Variants in POTEC observed in about 807,000 individuals in gnomAD.
POTEC encodes POTE ankyrin domain family member C, also known as ANKRD26-like family B member 2.
Under a neutral mutation model 62.0 loss-of-function variants are expected in POTEC, and 35 were observed. That is an observed-to-expected ratio of 0.56 (90% CI 0.43 to 0.75). The LOEUF (loss-of-function observed/expected upper bound fraction) is 0.75, where lower values mean the gene tolerates loss of function less well. Among genes scored for constraint, POTEC ranks in the 30% least tolerant of loss-of-function variants. The pLI, the probability that POTEC is intolerant of heterozygous loss-of-function variation, is 0.00. For missense variants in POTEC, 472 were observed against 655.9 expected (o/e 0.72, Z 3.06); for synonymous variants, 156 against 221.5 (o/e 0.70, Z 2.62).
rs745334772 is a variant in POTEC, at chr18:14,542,741, G to T, written c.406C>A (p.Arg136Ser). The change falls in exon 1 of 11, where the codon CGT becomes AGT. Residue 136 changes from arginine to serine, a missense_variant. By Grantham distance (110) the Arg-to-Ser change is moderately radical. Around this residue, in one of 5 missense-constraint regions of POTEC, gnomAD observed 257 missense variants for 250.7 expected, o/e 1.03. Transcript: ENST00000358970. ...TGGAGCTTGTCCAGATCTTCTCGAC[G>T]GACGTGGTACCTCGGCTCCATGAAG... ...SAFMEPRYHVRREDLDKLHRA... is the reference protein window; with the variant it reads ...SAFMEPRYHVSREDLDKLHRA... 1 of 1,613,264 alleles carries T rather than the reference G, an allele frequency of 6.2e-7. No homozygotes were observed. Among genetic ancestry groups the T allele is most frequent in the Admixed American group, 1.7e-5 (1 of 59,986 alleles).
chr18:14,511,948 T>C lies in POTEC; in HGVS notation c.1579A>G (p.Ser527Gly), dbSNP rs763282239. The C allele has an allele frequency of 3.1e-6, 5 of 1,613,856 alleles. No individual in the cohort carries two copies. Among genetic ancestry groups the C allele is most frequent in the Non-Finnish European group, 4.2e-6 (5 of 1,179,826 alleles). ...ATGGCAATTTCTTCCTGCAACATGC[T>C]GTTTTCACGCAAGAGATCTTCTTCT... ...KKEEDLLRENSMLQEEIAMLI... is the reference protein window; with the variant it reads ...KKEEDLLRENGMLQEEIAMLI... The change falls in exon 11 of 11, where the codon AGC becomes GGC. Residue 527 changes from serine to glycine, a missense_variant. Coordinates refer to ENST00000358970, the MANE Select transcript of POTEC (RefSeq NM_001137671.2).
intron 9 of POTEC, 132 bp from the exon 10 acceptor site, chr18:14,513,917 T>TCA (rs1408284420): frequency 6.6e-7 from 1 of 1,522,034 alleles, no homozygotes; most frequent in Admixed American, 2.1e-5. Context: ...CAAAGGGGTC[T>TCA]CACATCTGTT....
intron 2 of POTEC, 25 bp downstream of exon 2, chr18:14,538,110 G>T: frequency 6.5e-7 from 1 of 1,541,402 alleles, no homozygotes; most frequent in Non-Finnish European, 8.8e-7. Flanking sequence ...CCCATCTCAC[G>T]CTGATATAGT....
chr18:14,530,985 G>T lies in POTEC; in HGVS notation c.1056-432C>A, dbSNP rs569488100. Among the ~76,000 whole-genome samples, 413 of 151,974 alleles carry T rather than the reference G, an allele frequency of 2.7e-3. 3 individuals carry two copies. Among genetic ancestry groups the T allele is most frequent in the African/African-American group, 9.4e-3 (390 of 41,472 alleles). ...AGGTAACATTTTTTAAATGCTCAGAGAAATAGTAAAGCAATGGAATAATCT... is the reference window on the plus strand; with the variant it reads ...AGGTAACATTTTTTAAATGCTCAGATAAATAGTAAAGCAATGGAATAATCT... On this transcript the variant is annotated intron_variant, in intron 5 of 10. Transcript: ENST00000358970.
chr18:14,536,697 T>C (rs1034736917), intron 3 of POTEC, among the ~76,000 whole-genome samples: 1 of 152,166 alleles, frequency 6.6e-6, no homozygotes, highest in African/African-American at 2.4e-5. Flanking sequence ...TATTTCAGTC[T>C]CATCTCTCAT....
At position 14,543,058 on chromosome 18, in the gene POTEC, T is replaced by C; in HGVS notation, c.89A>G (p.His30Arg). 6.2e-7 allele frequency: 1 copy of C among 1,613,036 alleles called. No individual in the cohort carries two copies. Among genetic ancestry groups the C allele is most frequent in the Admixed American group, 1.7e-5 (1 of 59,988 alleles). The part of the protein sequence containing the change: ...LRSKMGKWFH[H>R]RFPCCKGSGK... ...GCTCCCCTTGCAGCAGGGGAAGCGGTGGTGAAACCACTTGCCCATCTTGCT... is the reference window on the plus strand; with the variant it reads ...GCTCCCCTTGCAGCAGGGGAAGCGGCGGTGAAACCACTTGCCCATCTTGCT... Residue 30 changes from histidine to arginine, a missense_variant, in exon 1 of 11, where the codon CAC becomes CGC. Transcript: ENST00000358970.
chr18:14,524,939 T>G lies in POTEC; in HGVS notation c.1171A>C (p.Lys391Gln). 1 of 1,606,322 alleles carries G rather than the reference T, an allele frequency of 6.2e-7. No individual in the cohort carries two copies. The change falls in exon 7 of 11, where the codon AAA (lysine) becomes CAA (glutamine). Residue 391 changes from lysine to glutamine, a missense_variant. Physicochemically the swap from Lys to Gln is moderately conservative, Grantham distance 53 (BLOSUM62 1). This residue lies in a region of POTEC where 83 missense variants were observed against 254.3 expected (regional missense o/e 0.33). Coordinates refer to ENST00000358970, the MANE Select transcript of POTEC (RefSeq NM_001137671.2). ...TCTGGCTGGCTATTTTCACTGACTT[T>G]AAGCCTTTGTGACTCTTCCTCTGAT... is the stretch of plus-strand genomic sequence containing the variant. ...LTSEEESQRL[K>Q]VSENSQPEKM... is the part of the protein sequence containing the mutation.
chr18:14,526,798 A>T (rs1406810454), intron 6 of POTEC, among the ~76,000 whole-genome samples: 1 of 152,146 alleles, frequency 6.6e-6, no homozygotes, highest in Non-Finnish European at 1.5e-5. Context: ...AGATGCTTAG[A>T]CATTAACGTT....
At chr18:14,542,403 G>C (rs1905966788) in intron 1 of POTEC, among the ~76,000 whole-genome samples, 1 of 152,126 alleles carries the variant, frequency 6.6e-6, no homozygotes, top group South Asian at 2.1e-4. Flanking sequence ...CCGTCTATTA[G>C]TGTTCTATAA....
At position 14,543,443 on chromosome 18, in the gene POTEC, G is replaced by T. The variant is rs926433272; in HGVS notation, c.-297C>A. On this transcript the variant is annotated 5_prime_UTR_variant, in exon 1 of 11. Coordinates refer to ENST00000358970, the MANE Select transcript of POTEC (RefSeq NM_001137671.2). The stretch of plus-strand genomic sequence containing the variant: ...TCAAGGGAATGCCAAACCCAGCAGA[G>T]AAAAAGTCAAGCCCAGCAAAGGAAT... The T allele has an allele frequency of 5.3e-6, 3 of 565,956 alleles. No homozygotes were observed. Among genetic ancestry groups the T allele is most frequent in the Non-Finnish European group, 9.5e-6 (3 of 317,150 alleles). The allele number at this position is 565,956 out of a possible 1,614,324, so 35.1% of individuals were successfully genotyped here.
chr18:14,539,427 C>T (rs991747204), intron 1 of POTEC, among the ~76,000 whole-genome samples: 3 of 141,634 alleles, frequency 2.1e-5, no homozygotes, highest in African/African-American at 8.1e-5. Context: ...TTCCTTCCTC[C>T]CACCCTCCAC....
intron 9 of POTEC, among the ~76,000 whole-genome samples, chr18:14,521,573 C>T (rs1171195806): frequency 6.6e-6 from 1 of 152,104 alleles, no homozygotes; most frequent in African/African-American, 2.4e-5. Context: ...ATACAAATAT[C>T]CTTAACATAC....
chr18:14,542,426 T>C, intron 1 of POTEC, among the ~76,000 whole-genome samples, 200 bp downstream of exon 1: 1 of 152,288 alleles, frequency 6.6e-6, no homozygotes, highest in East Asian at 1.9e-4. Flanking sequence ...GAAATTATAA[T>C]TGGATTGAAA....
In POTEC at chr18:14,509,446, G is replaced by A. The variant is rs1280309952; in HGVS notation, c.*2452C>T. The A allele has an allele frequency of 6.6e-6, 1 of 151,768 alleles. No homozygotes were observed. Among genetic ancestry groups the A allele is most frequent in the African/African-American group, 2.4e-5 (1 of 41,316 alleles). The allele number at this position is 151,768 out of a possible 1,614,324, so 9.4% of individuals were successfully genotyped here. The stretch of plus-strand genomic sequence containing the variant: ...CTTCATCTTCAGTGGCAGTTGGTGT[G>A]GGTTGGGGTGTGTGCTGCATTCCCA... On this transcript the variant is annotated 3_prime_UTR_variant, in exon 11 of 11. Transcript: ENST00000358970.
In POTEC at chr18:14,524,955, T is replaced by C. The variant is rs747004296; in HGVS notation, c.1155A>G (p.Glu385=). Residue 385 remains glutamate, a synonymous_variant, in exon 7 of 11, where the codon GAA becomes GAG. Transcript: ENST00000358970. ...PEQDLKLTSE[E]ESQRLKVSEN... ...CACTGACTTTAAGCCTTTGTGACTC[T>C]TCCTCTGATGTTAGCTTTAAGTCTT... 17 of 1,605,362 alleles carry C rather than the reference T, an allele frequency of 1.1e-5. No homozygotes were observed. The highest frequency in any genetic ancestry group is 1.7e-5 in the Admixed American group (1 of 58,256).
intron 7 of POTEC, among the ~76,000 whole-genome samples, chr18:14,523,929 T>G (rs979622162): frequency 3.9e-5 from 6 of 152,178 alleles, no homozygotes; most frequent in Non-Finnish European, 8.8e-5. Flanking sequence ...CATGAAACCC[T>G]AACTAGTGAG....
At position 14,543,165 on chromosome 18, in the gene POTEC, G is replaced by T. The variant is rs370435544; in HGVS notation, c.-19C>A. Reference sequence around the variant, plus strand: ...TCACCATCTGCTTTTAACAGCCCGGGGAGGCCGGTAGTAGCGAACAGATCG... The same window carrying T: ...TCACCATCTGCTTTTAACAGCCCGGTGAGGCCGGTAGTAGCGAACAGATCG... On this transcript the variant is annotated 5_prime_UTR_variant, in exon 1 of 11. Coordinates refer to ENST00000358970, the MANE Select transcript of POTEC (RefSeq NM_001137671.2). 7.5e-5 allele frequency: 121 copies of T among 1,613,872 alleles called. 2 individuals carry two copies. Among genetic ancestry groups the T allele is most frequent in the South Asian group, 6.0e-4 (55 of 91,070 alleles).
chr18:14,535,137 T>C (rs1905669293), intron 3 of POTEC, 130 bp from the exon 4 acceptor site: 3 of 1,426,760 alleles, frequency 2.1e-6, no homozygotes, highest in Admixed American at 2.6e-5. Context: ...CTCACTCTTC[T>C]GTACTTTCCC....
intron 6 of POTEC, chr18:14,529,024 C>T (rs368932954): frequency 2.2e-6 from 1 of 454,468 alleles, no homozygotes; most frequent in Non-Finnish European, 4.4e-6. Context: ...TTCTGCCAAA[C>T]ATTATTCTTC....
Sources: gnomAD v4.1 joint callset for allele counts (sites outside exome capture counted in the v4.1 genomes callset) on GRCh38, gnomAD v4.1.1 for gene constraint, gnomAD v4.1.1 regional missense constraint, MANE v1.5 for transcripts, NCBI Gene and HGNC (gene_info 2026-07-23, HGNC 2026-07-21) for gene names.